Variants in UVRAG observed in about 807,000 individuals in gnomAD.
UVRAG encodes UV radiation resistance-associated gene protein.
UVRAG carries 19 observed loss-of-function variants against 78.0 expected under a neutral mutation model. The observed-to-expected ratio is 0.24, with a 90% CI of 0.17 to 0.36. The LOEUF (loss-of-function observed/expected upper bound fraction) is 0.36, where lower values mean the gene tolerates loss of function less well. Ranked by LOEUF, UVRAG falls within the 10% of genes least tolerant of loss-of-function variation. The pLI is 1.00. For missense variants in UVRAG, 740 were observed against 853.8 expected (o/e 0.87, Z 1.66); for synonymous variants, 323 against 324.6 (o/e 1.00, Z 0.05).
In UVRAG at chr11:75,983,407, G is replaced by A; in HGVS notation, c.720G>A (p.Leu240=). The change falls in exon 8 of 15, where the codon CTG becomes CTA. Residue 240 remains leucine, a synonymous_variant. Transcript: ENST00000356136. ...SNELKKKSEC[L]QLKILVLQNE... ...TTTAGAAAAAAAAAAGTGAATGCCT[G>A]CAGTTAAAAATTTTGGTGCTTCAGA... 2 of 1,599,744 alleles carry A rather than the reference G, an allele frequency of 1.3e-6. No homozygotes were observed. The highest frequency in any genetic ancestry group is 2.3e-5 in the South Asian group (2 of 86,970).
At chr11:75,929,557 G>A (rs1376857674) in intron 6 of UVRAG, among the ~76,000 whole-genome samples, 2 of 152,150 alleles carry the variant, frequency 1.3e-5, no homozygotes, top group African/African-American at 2.4e-5. Context: ...TGGCCTCAGC[G>A]TGCTCAGTCA....
intron 1 of UVRAG, among the ~76,000 whole-genome samples, chr11:75,828,656 T>C (rs1945572781): frequency 6.8e-6 from 1 of 147,344 alleles, no homozygotes; most frequent in Admixed American, 6.9e-5. Context: ...TTTATATGAA[T>C]ATAAATAAAT....
intron 1 of UVRAG, among the ~76,000 whole-genome samples, chr11:75,833,672 C>T (rs865966615): frequency 3.3e-5 from 5 of 152,108 alleles, no homozygotes; most frequent in African/African-American, 1.2e-4. Context: ...GATTTACCCA[C>T]GTATTTATTA....
At chr11:75,981,394 G>A (rs948699570) in intron 7 of UVRAG, among the ~76,000 whole-genome samples, 2 of 151,924 alleles carry the variant, frequency 1.3e-5, no homozygotes, top group East Asian at 1.9e-4. Flanking sequence ...TTACAGGTGT[G>A]AGCCACTGTG....
intron 3 of UVRAG, among the ~76,000 whole-genome samples, chr11:75,865,566 C>G (rs1590949365): frequency 6.6e-6 from 1 of 150,890 alleles, no homozygotes; most frequent in Non-Finnish European, 1.5e-5. Context: ...CCACATGAGG[C>G]TAGTAGATAT....
intron 14 of UVRAG, among the ~76,000 whole-genome samples, chr11:76,135,852 T>G (rs1316467562): frequency 6.6e-6 from 1 of 152,216 alleles, no homozygotes; most frequent in Admixed American, 6.5e-5. Flanking sequence ...AAAGAAAAGC[T>G]ACTGTGTTTC....
intron 12 of UVRAG, among the ~76,000 whole-genome samples, chr11:76,049,467 T>G (rs1188266413): frequency 2.6e-5 from 4 of 152,230 alleles, no homozygotes; most frequent in African/African-American, 9.6e-5. Context: ...TGGCAGTGAT[T>G]TGGCATATGA....
intron 12 of UVRAG, among the ~76,000 whole-genome samples, chr11:76,021,279 A>G (rs1216541933): frequency 2.6e-5 from 4 of 152,184 alleles, no homozygotes; most frequent in African/African-American, 9.7e-5. Flanking sequence ...CAGGGGAACA[A>G]TCGGTGAAAG....
At chr11:75,896,826 A>C (rs2134965672) in intron 5 of UVRAG, among the ~76,000 whole-genome samples, 1 of 152,326 alleles carries the variant, frequency 6.6e-6, no homozygotes, top group Non-Finnish European at 1.5e-5. Flanking sequence ...TATTGGCATA[A>C]TTACTCCAAC....
At chr11:75,946,132 G>C (rs1315976464) in intron 6 of UVRAG, among the ~76,000 whole-genome samples, 1 of 152,060 alleles carries the variant, frequency 6.6e-6, no homozygotes, top group Non-Finnish European at 1.5e-5. Context: ...AATGTTTATT[G>C]CATGAATATG....
intron 8 of UVRAG, among the ~76,000 whole-genome samples, chr11:75,985,750 TAGTC>T (rs1297407390): frequency 6.6e-6 from 1 of 152,176 alleles, no homozygotes; most frequent in Non-Finnish European, 1.5e-5. Flanking sequence ...TTCGTATTGA[TAGTC>T]AGTTGACCCA....
chr11:76,011,120 T>C (rs779674012), intron 11 of UVRAG, among the ~76,000 whole-genome samples: 2 of 152,224 alleles, frequency 1.3e-5, no homozygotes, highest in Non-Finnish European at 2.9e-5. Flanking sequence ...TTTGTAGTTA[T>C]CTACACTTAC....
chr11:76,109,905 A>C (rs1441361251), intron 13 of UVRAG, among the ~76,000 whole-genome samples: 1 of 152,210 alleles, frequency 6.6e-6, no homozygotes, highest in African/African-American at 2.4e-5. Flanking sequence ...TCCCCTGACC[A>C]CTCACATCAT....
intron 12 of UVRAG, among the ~76,000 whole-genome samples, chr11:76,037,972 C>T (rs1421435082): frequency 2.6e-5 from 4 of 151,858 alleles, no homozygotes; most frequent in African/African-American, 9.7e-5. Flanking sequence ...CAAAAGGTAA[C>T]AATACAAAAA....
chr11:76,098,783 C>T (rs1248441929), intron 13 of UVRAG, among the ~76,000 whole-genome samples: 2 of 152,136 alleles, frequency 1.3e-5, no homozygotes, highest in East Asian at 1.9e-4. Flanking sequence ...TGATTTTTTT[C>T]GTACCCCCAA....
chr11:75,973,066 G>A lies in UVRAG; in HGVS notation c.700-10321G>A, dbSNP rs114766075. 8.4e-3 allele frequency among the ~76,000 whole-genome samples: 1,279 copies of A among 152,170 alleles called. 23 individuals carry two copies. The highest frequency in any genetic ancestry group is 0.029 in the African/African-American group (1,220 of 41,508). ...TCTTATTTCATTAGCTAGGACTTCA[G>A]GTATAACTATGGTGAATAGGAGCGA... On this transcript the variant is annotated intron_variant, in intron 7 of 14. Coordinates refer to ENST00000356136, the MANE Select transcript of UVRAG (RefSeq NM_003369.4).
intron 6 of UVRAG, among the ~76,000 whole-genome samples, chr11:75,949,631 C>T (rs1370162687): frequency 1.3e-5 from 2 of 151,302 alleles, no homozygotes; most frequent in Non-Finnish European, 2.9e-5. Flanking sequence ...TTCCCCAAGC[C>T]ATATACCAGC....
At chr11:75,824,769 G>A (rs1271370074) in intron 1 of UVRAG, among the ~76,000 whole-genome samples, 1 of 151,030 alleles carries the variant, frequency 6.6e-6, no homozygotes, top group East Asian at 1.9e-4. Context: ...CGCCTCCCGG[G>A]TTCACGCCAT....
At chr11:75,950,403 G>A (rs113401353) in intron 6 of UVRAG, among the ~76,000 whole-genome samples, 176 of 152,218 alleles carry the variant, frequency 1.2e-3, no homozygotes, top group African/African-American at 3.9e-3. Flanking sequence ...GAATGGGTGC[G>A]CACTACCATG....
Sources: allele counts gnomAD v4.1 joint callset (sites outside exome capture counted in the v4.1 genomes callset), GRCh38; gene constraint gnomAD v4.1.1; transcripts MANE v1.5; gene names NCBI Gene and HGNC (gene_info 2026-07-23, HGNC 2026-07-21).